The following PTPN12 variants were observed in gnomAD, a reference collection of about 807,000 sequenced individuals.
PTPN12 encodes the protein protein tyrosine phosphatase non-receptor type 12.
A neutral mutation model predicts 97.6 loss-of-function variants in PTPN12; 29 were observed. The ratio of observed to expected loss-of-function variants is 0.30; its 90% CI spans 0.22 to 0.41. The LOEUF (loss-of-function observed/expected upper bound fraction) is 0.41. Ranked by LOEUF, PTPN12 falls within the 10% of genes least tolerant of loss-of-function variation. The pLI, the probability that PTPN12 is intolerant of heterozygous loss-of-function variation, is 1.00. For synonymous variants in PTPN12, 327 were observed against 300.4 expected (o/e 1.09, Z -0.91); for missense variants, 819 against 926.0 (o/e 0.88, Z 1.50).
intron 1 of PTPN12, among the ~76,000 whole-genome samples, chr7:77,552,964 A>G (rs1246655063): frequency 1.3e-5 from 2 of 152,162 alleles, no homozygotes; most frequent in Non-Finnish European, 2.9e-5. Context: ...GAGAAGTTAA[A>G]TAAATAGGAG....
At chr7:77,614,898 A>C (rs1788698783) in intron 11 of PTPN12, among the ~76,000 whole-genome samples, 2 of 152,204 alleles carry the variant, frequency 1.3e-5, no homozygotes, top group South Asian at 4.1e-4. Flanking sequence ...TCTGTGTTCC[A>C]GTATTATTTC....
intron 8 of PTPN12, among the ~76,000 whole-genome samples, chr7:77,604,019 C>T (rs1279490238): frequency 1.5e-5 from 2 of 133,340 alleles, no homozygotes; most frequent in African/African-American, 2.8e-5. Flanking sequence ...CTCCCGAGTA[C>T]TGGGATTACA....
At chr7:77,617,689 C>G (rs1788799022) in intron 11 of PTPN12, among the ~76,000 whole-genome samples, 1 of 152,112 alleles carries the variant, frequency 6.6e-6, no homozygotes, top group African/African-American at 2.4e-5. Context: ...ATAACATACC[C>G]TAGAATTAAA....
chr7:77,557,061 G>T (rs993339259), intron 1 of PTPN12, among the ~76,000 whole-genome samples: 3 of 151,980 alleles, frequency 2.0e-5, no homozygotes, highest in Non-Finnish European at 2.9e-5. Flanking sequence ...CAACCTCGTG[G>T]CCTCATGTGA....
intron 2 of PTPN12, among the ~76,000 whole-genome samples, chr7:77,571,723 G>A (rs925406753): frequency 2.0e-4 from 31 of 151,320 alleles, no homozygotes; most frequent in Non-Finnish European, 3.5e-4. Flanking sequence ...TTATTTATTT[G>A]TTTGTTTGTT....
chr7:77,594,590 C>T (rs570726122), intron 6 of PTPN12, among the ~76,000 whole-genome samples: 4 of 152,292 alleles, frequency 2.6e-5, no homozygotes, highest in Admixed American at 6.5e-5. Context: ...TGGCCCACTG[C>T]AGCCTCAATC....
chr7:77,621,592 C>T (rs1311058410), intron 12 of PTPN12, among the ~76,000 whole-genome samples: 1 of 152,010 alleles, frequency 6.6e-6, no homozygotes, highest in African/African-American at 2.4e-5. Context: ...TTGCTTGAAC[C>T]CGGGAAGTGG....
intron 1 of PTPN12, among the ~76,000 whole-genome samples, chr7:77,546,720 A>T (rs542774905): frequency 6.6e-6 from 1 of 152,322 alleles, no homozygotes; most frequent in African/African-American, 2.4e-5. Context: ...TAAAGGAAAG[A>T]GGTTTAATTG....
chr7:77,599,425 G>C (rs1490333521), intron 7 of PTPN12, among the ~76,000 whole-genome samples: 8 of 150,016 alleles, frequency 5.3e-5, no homozygotes, highest in African/African-American at 2.0e-4. Flanking sequence ...TAGTATCTGA[G>C]ACTATAGGGA....
intron 14 of PTPN12, 53 bp downstream of exon 14, chr7:77,632,478 G>A (rs529013786): frequency 1.2e-4 from 156 of 1,329,396 alleles, no homozygotes; most frequent in African/African-American, 8.8e-4. Context: ...AATAAACTCC[G>A]AAAAACATAC....
intron 1 of PTPN12, among the ~76,000 whole-genome samples, chr7:77,552,298 A>ATTTTT (rs1807513822): frequency 7.1e-6 from 1 of 141,072 alleles, no homozygotes; most frequent in Non-Finnish European, 1.5e-5. Context: ...CTTTTAAAGT[A>ATTTTT]TGTTTTTTTT....
chr7:77,627,050 T>C lies in PTPN12; in HGVS notation c.1371T>C (p.Asn457=). Residue 457 remains asparagine (N), a synonymous_variant, in exon 13 of 18, where the codon AAT becomes AAC. Transcript: ENST00000248594. The stretch of plus-strand genomic sequence containing the variant: ...GTTTTGATGGGAACACACTTTTGAA[T>C]AGGGGACATGCAATTAAAATTAAAT... ...PKSFDGNTLL[N]RGHAIKIKSA... The C allele has an allele frequency of 6.2e-7, 1 of 1,613,556 alleles. No individual in the cohort carries two copies.
chr7:77,602,368 T>C (rs1296775890), intron 8 of PTPN12, among the ~76,000 whole-genome samples: 1 of 152,184 alleles, frequency 6.6e-6, no homozygotes, highest in Non-Finnish European at 1.5e-5. Context: ...ATGTAATACA[T>C]AAAACAAAGC....
chr7:77,627,000 G>T lies in PTPN12; in HGVS notation c.1321G>T (p.Val441Phe). The change falls in exon 13 of 18, where the codon GTC (valine) becomes TTC (phenylalanine). Residue 441 changes from valine to phenylalanine, a missense_variant. Transcript: ENST00000248594. Reference protein sequence around the residue: ...ERNLSFEIKKVPLQEGPKSFD... With the variant: ...ERNLSFEIKKFPLQEGPKSFD... ...AAATTTAAGTTTTGAGATTAAGAAG[G>T]TCCCTCTCCAAGAGGGACCAAAAAG... 1 of 1,609,374 alleles carries T rather than the reference G, an allele frequency of 6.2e-7. No individual in the cohort carries two copies. Among genetic ancestry groups the T allele is most frequent in the Non-Finnish European group, 8.5e-7 (1 of 1,178,618 alleles).
intron 4 of PTPN12, among the ~76,000 whole-genome samples, chr7:77,584,439 G>A (rs753057084): frequency 3.3e-5 from 5 of 152,144 alleles, no homozygotes; most frequent in Non-Finnish European, 7.4e-5. Context: ...CTGGATGATG[G>A]GAACATCCTG....
At chr7:77,568,889 T>C (rs1015821582) in intron 1 of PTPN12, among the ~76,000 whole-genome samples, 7 of 152,202 alleles carry the variant, frequency 4.6e-5, no homozygotes, top group African/African-American at 1.4e-4. Context: ...TATCTAAAAA[T>C]ACATCTTTTC....
chr7:77,633,699 T>C (rs551588310), intron 14 of PTPN12, among the ~76,000 whole-genome samples: 4 of 152,128 alleles, frequency 2.6e-5, no homozygotes, highest in Non-Finnish European at 5.9e-5. Flanking sequence ...TGGGCGTCAC[T>C]GGATTGGTGT....
At chr7:77,587,467 G>A (rs1467961252) in intron 5 of PTPN12, among the ~76,000 whole-genome samples, 1 of 152,100 alleles carries the variant, frequency 6.6e-6, no homozygotes, top group African/African-American at 2.4e-5. Flanking sequence ...TGGGGGTGGG[G>A]TTGAAAAAAC....
chr7:77,576,028 T>G, intron 2 of PTPN12, among the ~76,000 whole-genome samples: 1 of 152,080 alleles, frequency 6.6e-6, no homozygotes, highest in East Asian at 1.9e-4. Context: ...ATTTTTTGTG[T>G]TATTTTTAGT....
Sources: gnomAD v4.1 joint callset for allele counts (sites outside exome capture counted in the v4.1 genomes callset) on GRCh38, gnomAD v4.1.1 for gene constraint, MANE v1.5 for transcripts, NCBI Gene and HGNC (gene_info 2026-07-23, HGNC 2026-07-21) for gene names.